The following SPTSSB variants were observed in gnomAD, a reference collection of about 807,000 sequenced individuals.
The protein encoded by SPTSSB is serine palmitoyltransferase small subunit B.
In SPTSSB, 6 loss-of-function variants were observed where a neutral mutation model predicts 7.7. The ratio of observed to expected loss-of-function variants is 0.78; its 90% CI spans 0.43 to 1.54. The LOEUF (loss-of-function observed/expected upper bound fraction) is 1.54. Among genes scored for constraint, SPTSSB ranks in the 40% most tolerant of loss-of-function variants. SPTSSB has a pLI of 0.01. For synonymous variants in SPTSSB, 28 were observed against 29.7 expected (o/e 0.94, Z 0.19); for missense variants, 91 against 93.0 (o/e 0.98, Z 0.09).
rs538277005 is a variant in SPTSSB, at chr3:161,347,746, A to G, written c.-32-1391T>C. Among the ~76,000 whole-genome samples, 50 of 152,032 alleles carry G rather than the reference A, an allele frequency of 3.3e-4. No individual in the cohort carries two copies. The East Asian group carries it at 9.3e-3, about 28-fold the overall frequency. On this transcript the variant is annotated intron_variant, in intron 2 of 2. Coordinates refer to ENST00000620149, the MANE Select transcript of SPTSSB (RefSeq NM_001040100.2). The stretch of plus-strand genomic sequence containing the variant: ...AAATTAGCTGGGCATGGTGGTGGGC[A>G]CCTGTAATCCCAGCCGCTGGGGAGG...
At chr3:161,368,891 A>T (rs777955041) in intron 1 of SPTSSB, among the ~76,000 whole-genome samples, 2 of 152,242 alleles carry the variant, frequency 1.3e-5, no homozygotes, top group Non-Finnish European at 2.9e-5. Context: ...TATCAGCCAC[A>T]TGATTTTCAT....
chr3:161,358,044 GTTTTTT>G (rs11353900), intron 2 of SPTSSB, among the ~76,000 whole-genome samples: 3 of 114,558 alleles, frequency 2.6e-5, no homozygotes, highest in Non-Finnish European at 3.6e-5. Context: ...AGAAACTTTT[GTTTTTT>G]TTTTTTTTTT....
At chr3:161,362,158 T>G (rs1055623835) in intron 1 of SPTSSB, among the ~76,000 whole-genome samples, 1 of 152,144 alleles carries the variant, frequency 6.6e-6, no homozygotes, top group Admixed American at 6.6e-5. Context: ...GGCTCAGTTA[T>G]GTATGTTTCT....
At chr3:161,370,352 A>G (rs1379232845) in intron 1 of SPTSSB, among the ~76,000 whole-genome samples, 1 of 152,188 alleles carries the variant, frequency 6.6e-6, no homozygotes, top group African/African-American at 2.4e-5. Flanking sequence ...GTAAATAAAT[A>G]TCTGGATAAT....
Position 161,366,679 on chromosome 3 carries a change from T to C in SPTSSB, c.-126+4756A>G, listed in dbSNP as rs1374391732. Among the ~76,000 whole-genome samples, 5 of 152,338 alleles carry C rather than the reference T, an allele frequency of 3.3e-5. No individual in the cohort carries two copies. In the South Asian group the frequency reaches 6.2e-4, roughly 19 times the overall value. ...CATTATGTAATTTACTTATTATTAT[T>C]AATGTTTGACATCTTGGGAATTTTT... On this transcript the variant is annotated intron_variant, in intron 1 of 2. Coordinates refer to ENST00000620149, the MANE Select transcript of SPTSSB (RefSeq NM_001040100.2).
At chr3:161,346,488 A>G in intron 2 of SPTSSB, 133 bp from the exon 3 acceptor site, 1 of 484,538 alleles carries the variant, frequency 2.1e-6, no homozygotes, top group Non-Finnish European at 3.7e-6. Context: ...ATATATGAAT[A>G]TTCTGTAAAA....
At position 161,346,193 on chromosome 3, in the gene SPTSSB, A is replaced by G. The variant is rs1714218484; in HGVS notation, c.131T>C (p.Met44Thr). ...AAAGACATAGGCAGTGTATACCACC[A>G]TAGCAATAATGGTTAGTAAGATGGT... ...FNTILLTIIA[M>T]VVYTAYVFIP... The change falls in exon 3 of 3, where the codon ATG becomes ACG. Residue 44 changes from methionine to threonine, a missense_variant. Met to Thr is a moderately conservative substitution (Grantham distance 81). Coordinates refer to ENST00000620149, the MANE Select transcript of SPTSSB (RefSeq NM_001040100.2). 6.2e-7 allele frequency: 1 copy of G among 1,612,760 alleles called. No homozygotes were observed. Among genetic ancestry groups the G allele is most frequent in the Non-Finnish European group, 8.5e-7 (1 of 1,178,720 alleles).
chr3:161,370,737 C>T (rs1008489444), intron 1 of SPTSSB, among the ~76,000 whole-genome samples: 1 of 152,138 alleles, frequency 6.6e-6, no homozygotes, highest in Non-Finnish European at 1.5e-5. Context: ...TGTGAATTGC[C>T]AACCAGTTGA....
intron 1 of SPTSSB, among the ~76,000 whole-genome samples, chr3:161,361,981 C>T (rs1229177342): frequency 6.6e-6 from 1 of 152,008 alleles, no homozygotes; most frequent in Non-Finnish European, 1.5e-5. Context: ...ATTTTCCTGC[C>T]CATCAAAACC....
At position 161,345,728 on chromosome 3, in the gene SPTSSB, A is replaced by T. The variant is rs554324650; in HGVS notation, c.*365T>A. On this transcript the variant is annotated 3_prime_UTR_variant, in exon 3 of 3. Coordinates refer to ENST00000620149, the MANE Select transcript of SPTSSB (RefSeq NM_001040100.2). ...AAAATTTATCCTTTAGTATAGAATAAGTGTCAAGGGAGCACTTTAAGCATG... is the reference window on the plus strand; with the variant it reads ...AAAATTTATCCTTTAGTATAGAATATGTGTCAAGGGAGCACTTTAAGCATG... The T allele has an allele frequency of 5.7e-6, 1 of 176,558 alleles. No individual in the cohort carries two copies. The highest frequency in any genetic ancestry group is 1.6e-4 in the East Asian group (1 of 6,450). 10.9% of individuals were successfully genotyped at this position (176,558 alleles called of 1,614,324 possible). A position where few individuals can be genotyped will look rare whatever the true frequency, so the allele number is the denominator to read the frequency against.
At chr3:161,359,556 A>C in intron 2 of SPTSSB, 1 of 290,096 alleles carries the variant, frequency 3.4e-6, no homozygotes, top group Non-Finnish European at 5.1e-6. Flanking sequence ...ATTTTGCATA[A>C]ACATTTTTCT....
intron 2 of SPTSSB, among the ~76,000 whole-genome samples, chr3:161,349,976 T>A (rs1396333623): frequency 6.6e-6 from 1 of 152,104 alleles, no homozygotes; most frequent in East Asian, 1.9e-4. Flanking sequence ...GATTTGAGAC[T>A]TATGACTCAT....
In SPTSSB at chr3:161,346,089, A is replaced by G; in HGVS notation, c.*4T>C. On this transcript the variant is annotated 3_prime_UTR_variant, in exon 3 of 3. Transcript: ENST00000620149. ...CAATGCCATTTCACTGAATGTGAAC[A>G]GGATCAATTAGAAATTGTACTGTGA... 7.0e-7 allele frequency: 1 copy of G among 1,422,234 alleles called. No individual in the cohort carries two copies. The highest frequency in any genetic ancestry group is 1.7e-5 in the Admixed American group (1 of 59,760). 88.1% of individuals were successfully genotyped at this position (1,422,234 alleles called of 1,614,324 possible). A position where few individuals can be genotyped will look rare whatever the true frequency, so the allele number is the denominator to read the frequency against.
At chr3:161,346,568 G>A (rs919385852) in intron 2 of SPTSSB, among the ~76,000 whole-genome samples, 1 of 151,756 alleles carries the variant, frequency 6.6e-6, no homozygotes, top group Non-Finnish European at 1.5e-5. Context: ...TACTAAAATT[G>A]GCAGCAATAA....
At chr3:161,354,507 A>G (rs954349604) in intron 2 of SPTSSB, among the ~76,000 whole-genome samples, 10 of 152,094 alleles carry the variant, frequency 6.6e-5, no homozygotes, top group African/African-American at 9.6e-5. Flanking sequence ...ATGCCCAGCT[A>G]ATTTTTAAAA....
At position 161,356,466 on chromosome 3, in the gene SPTSSB, G is replaced by A. The variant is rs1023821560; in HGVS notation, c.-33+3336C>T. 7.9e-5 allele frequency among the ~76,000 whole-genome samples: 12 copies of A among 152,178 alleles called. 1 individual carries two copies. In the South Asian group the frequency reaches 8.3e-4, roughly 11 times the overall value. On this transcript the variant is annotated intron_variant, in intron 2 of 2. Coordinates refer to ENST00000620149, the MANE Select transcript of SPTSSB (RefSeq NM_001040100.2). The stretch of plus-strand genomic sequence containing the variant: ...TGCAATATTGATCTGTCAGGAGTAC[G>A]TTGTTCTCAGAGTTCTGCCAAAGCA...
chr3:161,345,247 G>T lies in SPTSSB; in HGVS notation c.*846C>A, dbSNP rs1238308297. 2 of 152,542 alleles carry T rather than the reference G, an allele frequency of 1.3e-5. No homozygotes were observed. Among genetic ancestry groups the T allele is most frequent in the African/African-American group, 2.4e-5 (1 of 41,442 alleles). The allele number at this position is 152,542 out of a possible 1,614,324, so 9.4% of individuals were successfully genotyped here. On this transcript the variant is annotated 3_prime_UTR_variant, in exon 3 of 3. Coordinates refer to ENST00000620149, the MANE Select transcript of SPTSSB (RefSeq NM_001040100.2). ...AATATTACTTCCAGCCTATTTATTA[G>T]CTTGTCTTCCGGTGGCCCAATACAT... is the stretch of plus-strand genomic sequence containing the variant.
At chr3:161,367,399 G>A (rs1395404077) in intron 1 of SPTSSB, among the ~76,000 whole-genome samples, 1 of 152,156 alleles carries the variant, frequency 6.6e-6, no homozygotes, top group African/African-American at 2.4e-5. Context: ...CCTGAAGCCG[G>A]TAGACTTAAA....
intron 1 of SPTSSB, among the ~76,000 whole-genome samples, chr3:161,365,946 C>CT (rs1207467520): frequency 1.3e-4 from 20 of 152,118 alleles, no homozygotes; most frequent in Non-Finnish European, 1.5e-5. Context: ...CTTTTTCCCT[C>CT]TTTTTTTCAG....
Sources: allele counts gnomAD v4.1 joint callset (sites outside exome capture counted in the v4.1 genomes callset), GRCh38; gene constraint gnomAD v4.1.1; transcripts MANE v1.5; gene names NCBI Gene and HGNC (gene_info 2026-07-23, HGNC 2026-07-21).